Variants in CEP104 observed in about 807,000 individuals in gnomAD.
The protein encoded by CEP104 is centrosomal protein of 104 kDa.
In CEP104, 84 loss-of-function variants were observed where a neutral mutation model predicts 113.3. That is an observed-to-expected ratio of 0.74 (90% CI 0.62 to 0.89). CEP104 has a LOEUF of 0.89. Ranked by LOEUF, CEP104 falls within the 40% of genes least tolerant of loss-of-function variation. The probability of loss-of-function intolerance (pLI) is 0.00; values close to 1 mark genes in which losing one functional copy is unlikely to be tolerated. For missense variants in CEP104, 1,053 were observed against 1,156.6 expected, an observed-to-expected ratio of 0.91 and a Z score of 1.30; for synonymous variants, 378 against 421.7, an observed-to-expected ratio of 0.90 and a Z score of 1.27.
At chr1:3,854,503 C>A (rs1233154390) in intron 1 of CEP104, among the ~76,000 whole-genome samples, 1 of 152,162 alleles carries the variant, frequency 6.6e-6, no homozygotes, top group Non-Finnish European at 1.5e-5. Flanking sequence ...GAGTCTCAAT[C>A]TATCACCCAG....
At chr1:3,844,683 A>T (rs999770792) in intron 6 of CEP104, among the ~76,000 whole-genome samples, 4 of 64,124 alleles carry the variant, frequency 6.2e-5, no homozygotes. Context: ...GGGCAGCAAG[A>T]GTGAAATTCT....
intron 1 of CEP104, among the ~76,000 whole-genome samples, chr1:3,854,671 G>A (rs1331750280): frequency 7.0e-6 from 1 of 143,568 alleles, no homozygotes; most frequent in Non-Finnish European, 1.5e-5. Flanking sequence ...TTTTAGTAGA[G>A]ACGGGGTTTT....
At chr1:3,816,214 T>A (rs1570757549) in intron 21 of CEP104, 66 bp downstream of exon 21, 1 of 1,379,066 alleles carries the variant, frequency 7.3e-7, no homozygotes. Context: ...TGGACGGGGA[T>A]GCTTTTTTGA....
chr1:3,826,671 C>A (rs987727093), intron 16 of CEP104, 37 bp downstream of exon 16: 3 of 1,610,878 alleles, frequency 1.9e-6, no homozygotes, highest in African/African-American at 1.3e-5. Flanking sequence ...ATTCTTTACA[C>A]ACCCCAGTTC....
intron 4 of CEP104, among the ~76,000 whole-genome samples, chr1:3,846,661 T>TTCTTCTGGCTTCCTGGCGTG (rs1229747942): frequency 2.6e-5 from 4 of 152,198 alleles, no homozygotes; most frequent in Non-Finnish European, 2.9e-5. Flanking sequence ...TTAAGACTCA[T>TTCTTCTGGCTTCCTGGCGTG]TCTTCTGGCT....
chr1:3,822,076 A>C (rs1936378), intron 20 of CEP104, among the ~76,000 whole-genome samples: 102,164 of 152,164 alleles, frequency 0.67, 35,868 homozygotes, highest in African/African-American at 0.89. Flanking sequence ...CAACATTACA[A>C]GAGAGGGGAG....
chr1:3,841,109 T>C (rs371055098), intron 6 of CEP104, among the ~76,000 whole-genome samples: 1 of 152,208 alleles, frequency 6.6e-6, no homozygotes, highest in Non-Finnish European at 1.5e-5. Context: ...AGGATGGAAG[T>C]GTCCCAGCTG....
intron 2 of CEP104, among the ~76,000 whole-genome samples, chr1:3,850,498 A>G (rs1338598086): frequency 1.3e-5 from 2 of 152,192 alleles, no homozygotes; most frequent in South Asian, 2.1e-4. Flanking sequence ...CTGAGGTCAC[A>G]TGAACGGCAC....
At chr1:3,832,418 CTGACCAGGAGTGTAGCGTAGGTCG>C (rs1557672579) in intron 12 of CEP104, among the ~76,000 whole-genome samples, 3 of 15,470 alleles carry the variant, frequency 1.9e-4, no homozygotes, top group East Asian at 9.1e-4. Flanking sequence ...AGCGTAGGTC[CTGACCAGGAGTGTAGCGTAGGTCG>C]TGACCAGGAG....
intron 20 of CEP104, among the ~76,000 whole-genome samples, chr1:3,821,113 C>A (rs1234112280): frequency 6.6e-6 from 1 of 152,238 alleles, no homozygotes; most frequent in Non-Finnish European, 1.5e-5. Flanking sequence ...TGTCCTGAGA[C>A]ATCCATTCCT....
At chr1:3,839,253 G>A (rs1644370901) in intron 7 of CEP104, 134 bp from the exon 8 acceptor site, 1 of 773,902 alleles carries the variant, frequency 1.3e-6, no homozygotes. Flanking sequence ...GAAGGAATGG[G>A]CCACACTCAG....
intron 10 of CEP104, among the ~76,000 whole-genome samples, chr1:3,836,005 T>TA (rs34927580): frequency 1.7e-4 from 24 of 142,104 alleles, no homozygotes; most frequent in East Asian, 6.4e-4. Context: ...CTCTGTTTCA[T>TA]AAAAAAAAAA....
rs751017470 is a variant in CEP104, at chr1:3,844,959, G to C, written c.514C>G (p.His172Asp). The C allele has an allele frequency of 5.0e-6, 8 of 1,614,084 alleles. No homozygotes were observed. Among genetic ancestry groups the C allele is most frequent in the Non-Finnish European group, 6.8e-6 (8 of 1,180,004 alleles). ...NTASREKLID[H>D]YLGHNSEDPA... is the part of the protein sequence containing the mutation. ...TCCTCGCTGTTGTGCCCAAGGTAGT[G>C]GTCAATCAACTTCTCTCGAGAGGCC... The change falls in exon 6 of 22, where the codon CAC becomes GAC. Residue 172 changes from histidine to aspartate, a missense_variant. Coordinates refer to ENST00000378230, the MANE Select transcript of CEP104 (RefSeq NM_014704.4).
At chr1:3,816,047 C>T (rs1018754598) in intron 21 of CEP104, 10 of 475,738 alleles carry the variant, frequency 2.1e-5, no homozygotes, top group African/African-American at 6.1e-5. Context: ...CTAGGCCACC[C>T]GTGGAGCCTT....
rs1156626745 is a variant in CEP104, at chr1:3,823,227, T to C, written c.2518A>G (p.Lys840Glu). ...HKDCNPAKPE[K>E]LANRCPLCHE... is the part of the protein sequence containing the mutation. ...CACAGGGGACACCGGTTTGCCAGCT[T>C]CTCCGGTTTGGCAGCTGAAATGATT... Residue 840 changes from lysine (K) to glutamate (E), a missense_variant, in exon 20 of 22, where the codon AAG becomes GAG. By Grantham distance (56) the Lys-to-Glu change is moderately conservative. Transcript: ENST00000378230. This position sits in a 1 kb window ranked among gnomAD's most constrained non-coding sequence, Gnocchi z 4.1. 1.2e-6 allele frequency: 2 copies of C among 1,614,088 alleles called. No homozygotes were observed. Among genetic ancestry groups the C allele is most frequent in the Admixed American group, 3.3e-5 (2 of 60,014 alleles).
chr1:3,840,589 G>A (rs1644394688), intron 6 of CEP104, among the ~76,000 whole-genome samples: 1 of 151,930 alleles, frequency 6.6e-6, no homozygotes, highest in Non-Finnish European at 1.5e-5. Context: ...CCAGGCTGGA[G>A]TGCAGTGGCA....
intron 12 of CEP104, among the ~76,000 whole-genome samples, chr1:3,832,206 C>T (rs1179461171): frequency 6.6e-6 from 1 of 152,234 alleles, no homozygotes; most frequent in Non-Finnish European, 1.5e-5. Flanking sequence ...TTCTAGCTGT[C>T]ATAACCAGGA....
chr1:3,819,743 C>T lies in CEP104; in HGVS notation c.2572-3373G>A, dbSNP rs901821443. On this transcript the variant is annotated intron_variant, in intron 20 of 21. Coordinates refer to ENST00000378230, the MANE Select transcript of CEP104 (RefSeq NM_014704.4). The surrounding 1 kb of genome is among the most constrained non-coding windows in gnomAD (Gnocchi z 4.6). ...TGCAGGCAGGAGAGAAGGGAGGGAACGCTGAAGAGAGAAAAAATATTTGAA... is the reference window on the plus strand; with the variant it reads ...TGCAGGCAGGAGAGAAGGGAGGGAATGCTGAAGAGAGAAAAAATATTTGAA... Among the ~76,000 whole-genome samples, 6 of 152,144 alleles carry T rather than the reference C, an allele frequency of 3.9e-5. No homozygotes were observed. Among genetic ancestry groups the T allele is most frequent in the South Asian group, 2.1e-4 (1 of 4,832 alleles).
At chr1:3,854,683 C>A (rs1644679711) in intron 1 of CEP104, among the ~76,000 whole-genome samples, 1 of 142,640 alleles carries the variant, frequency 7.0e-6, no homozygotes, top group Non-Finnish European at 1.5e-5. Flanking sequence ...CGGGGTTTTG[C>A]CATGTTGGCC....
Sources: allele counts gnomAD v4.1 joint callset (sites outside exome capture counted in the v4.1 genomes callset), GRCh38; gene constraint gnomAD v4.1.1; non-coding constraint Gnocchi (gnomAD v3.1); transcripts MANE v1.5; gene names NCBI Gene and HGNC (gene_info 2026-07-23, HGNC 2026-07-21).